Variants in RORA observed in about 807,000 individuals in gnomAD.
RORA encodes RAR related orphan receptor A, also known as nuclear receptor ROR-alpha.
A neutral mutation model predicts 69.5 loss-of-function variants in RORA; 7 were observed. That is an observed-to-expected ratio of 0.10 (90% confidence interval 0.06 to 0.19). The LOEUF (loss-of-function observed/expected upper bound fraction) is 0.19. RORA is among the 10% of genes least tolerant of loss of function. The pLI is 1.00. For synonymous variants in RORA, 261 were observed against 240.8 expected (o/e 1.08, Z -0.78); for missense variants, 457 against 663.0 (o/e 0.69, Z 3.41).
intron 1 of RORA, among the ~76,000 whole-genome samples, chr15:61,134,695 T>C (rs1447040983): frequency 1.3e-5 from 2 of 152,160 alleles, no homozygotes; most frequent in East Asian, 1.9e-4. Context: ...CACACCACAA[T>C]GTTCAAACCT....
chr15:60,511,382 A>G lies in RORA; in HGVS notation c.664T>C (p.Tyr222His), dbSNP rs1181369746. Residue 222 changes from tyrosine (Y) to histidine (H), a missense_variant, in exon 5 of 11, where the codon TAC becomes CAC. Tyr to His is a moderately conservative substitution (Grantham distance 83). Around this residue, in one of 3 missense-constraint regions of RORA, gnomAD observed 304 missense variants for 447.4 expected, o/e 0.68. Transcript: ENST00000335670. This position sits in a 1 kb window ranked among gnomAD's most constrained non-coding sequence, Gnocchi z 6.4. ...SKADSAVSSF[Y>H]LDIQPSPDQS... ...TCTGGGGAAGGCTGTATGTCCAGGT[A>G]GAAGCTGCTGACGGCGGAGTCTGCC... 1 of 1,614,232 alleles carries G rather than the reference A, an allele frequency of 6.2e-7. No homozygotes were observed. The highest frequency in any genetic ancestry group is 8.5e-7 in the Non-Finnish European group (1 of 1,180,040).
At chr15:61,024,270 C>CTTTTTTTTT (rs34008494) in intron 1 of RORA, among the ~76,000 whole-genome samples, 1 of 79,394 alleles carries the variant, frequency 1.3e-5, no homozygotes, top group Admixed American at 1.8e-4. Flanking sequence ...TCTTGGATCT[C>CTTTTTTTTT]TTTTTTTTTT....
At chr15:61,121,291 G>A (rs865887215) in intron 1 of RORA, among the ~76,000 whole-genome samples, 1 of 152,296 alleles carries the variant, frequency 6.6e-6, no homozygotes, top group East Asian at 1.9e-4. Context: ...AAGTGGAACT[G>A]GGTGGCTGTC....
intron 1 of RORA, among the ~76,000 whole-genome samples, chr15:60,797,666 C>A (rs2072517516): frequency 6.6e-6 from 1 of 152,138 alleles, no homozygotes; most frequent in Non-Finnish European, 1.5e-5. Flanking sequence ...CTTACGGGCC[C>A]AGCCAAGGAC....
intron 2 of RORA, among the ~76,000 whole-genome samples, chr15:60,540,291 C>T (rs1286824648): frequency 3.3e-5 from 5 of 152,304 alleles, no homozygotes; most frequent in African/African-American, 1.2e-4. Flanking sequence ...GCTTTCATTG[C>T]TCAAGGTCTG....
chr15:60,550,056 A>C (rs1348475114), intron 2 of RORA, among the ~76,000 whole-genome samples: 2 of 152,194 alleles, frequency 1.3e-5, no homozygotes, highest in Non-Finnish European at 2.9e-5. Context: ...ACTTTGAAAG[A>C]CCGTGGTAGG....
chr15:61,014,278 C>T (rs1895202778), intron 1 of RORA, among the ~76,000 whole-genome samples: 1 of 152,198 alleles, frequency 6.6e-6, no homozygotes, highest in South Asian at 2.1e-4. Context: ...GAGATTATTA[C>T]AGTGTATTTG....
chr15:60,850,126 T>C (rs1348917627), intron 1 of RORA, among the ~76,000 whole-genome samples: 1 of 152,148 alleles, frequency 6.6e-6, no homozygotes, highest in Non-Finnish European at 1.5e-5. Flanking sequence ...CAGTCCGTGT[T>C]CATGGAGCTG....
rs1431584775 is a variant in RORA at position 60,490,568 on chromosome 15, A to G, written c.*6887T>C. ...GAAGAGTAAGAGAGAAAATGTTTACAGGCCGTTACAAGTTCTTAAGTTAAT... is the reference window on the plus strand; with the variant it reads ...GAAGAGTAAGAGAGAAAATGTTTACGGGCCGTTACAAGTTCTTAAGTTAAT... On this transcript the variant is annotated 3_prime_UTR_variant, in exon 11 of 11. Transcript: ENST00000335670. This position sits in a 1 kb window ranked among gnomAD's most constrained non-coding sequence, Gnocchi z 4.1. 1 of 152,170 alleles carries G rather than the reference A, an allele frequency of 6.6e-6. No homozygotes were observed. The highest frequency in any genetic ancestry group is 1.9e-4 in the East Asian group (1 of 5,198). 9.4% of individuals were successfully genotyped at this position (152,170 alleles called of 1,614,324 possible).
rs931352013 is a variant in RORA, at chr15:60,488,539, A to T, written c.*8916T>A. ...TTAAATTCAGGACTCAATAAAATAAACAGCTGGAAATAAGCAGACTAGTGT... is the reference window on the plus strand; with the variant it reads ...TTAAATTCAGGACTCAATAAAATAATCAGCTGGAAATAAGCAGACTAGTGT... On this transcript the variant is annotated 3_prime_UTR_variant, in exon 11 of 11. Transcript: ENST00000335670. The T allele has an allele frequency of 6.6e-6, 1 of 152,350 alleles. No individual in the cohort carries two copies. The highest frequency in any genetic ancestry group is 1.9e-4 in the East Asian group (1 of 5,186). 9.4% of individuals were successfully genotyped at this position (152,350 alleles called of 1,614,324 possible). A position where few individuals can be genotyped will look rare whatever the true frequency, so the allele number is the denominator to read the frequency against.
intron 2 of RORA, among the ~76,000 whole-genome samples, chr15:60,623,011 C>T (rs1044245370): frequency 2.6e-5 from 4 of 152,346 alleles, no homozygotes; most frequent in East Asian, 1.9e-4. Context: ...CCACTATGCC[C>T]GGCCATGTCA....
At chr15:60,666,530 A>C (rs2070384860) in intron 2 of RORA, among the ~76,000 whole-genome samples, 2 of 151,992 alleles carry the variant, frequency 1.3e-5, no homozygotes, top group African/African-American at 4.8e-5. Flanking sequence ...CATAAACAGC[A>C]ACTATTCTGC....
intron 1 of RORA, among the ~76,000 whole-genome samples, chr15:61,150,608 T>C (rs2079389006): frequency 1.3e-5 from 2 of 152,194 alleles, no homozygotes; most frequent in Non-Finnish European, 2.9e-5. Flanking sequence ...TTTTTAAACT[T>C]CATGTGACTT....
intron 2 of RORA, chr15:60,627,245 C>T: frequency 6.2e-7 from 1 of 1,614,176 alleles, no homozygotes; most frequent in Non-Finnish European, 8.5e-7. Flanking sequence ...TACCTTCTGG[C>T]TCCTTCACCT....
Position 60,803,001 on chromosome 15 carries a change from TG to T in RORA, c.167-124316del, listed in dbSNP as rs199930750. On this transcript the variant is annotated intron_variant, in intron 1 of 10. Coordinates refer to ENST00000335670, the MANE Select transcript of RORA (RefSeq NM_134261.3). Reference sequence around the variant, plus strand: ...CCATACCACTTTATTTTGATTAATATGGACAACTCCAACAAAAGAAAGATGC... The same window carrying T: ...CCATACCACTTTATTTTGATTAATATGACAACTCCAACAAAAGAAAGATGC... Among the ~76,000 whole-genome samples the T allele has an allele frequency of 4.3e-3, 650 of 152,332 alleles. 3 individuals are homozygous for T. The highest frequency in any genetic ancestry group is 0.015 in the African/African-American group (636 of 41,564).
chr15:60,674,278 A>T, intron 2 of RORA, among the ~76,000 whole-genome samples: 1 of 152,234 alleles, frequency 6.6e-6, no homozygotes, highest in Middle Eastern at 3.2e-3. Flanking sequence ...ACAATAAAAA[A>T]GTATGGCCTC....
chr15:61,162,241 G>C (rs986332124), intron 1 of RORA, among the ~76,000 whole-genome samples: 2 of 152,212 alleles, frequency 1.3e-5, no homozygotes, highest in African/African-American at 4.8e-5. Flanking sequence ...CCATATAAAA[G>C]TGTCTTGGAT....
Position 60,888,199 on chromosome 15 carries a change from G to A in RORA, c.167-209513C>T, listed in dbSNP as rs572183846. On this transcript the variant is annotated intron_variant, in intron 1 of 10. Coordinates refer to ENST00000335670, the MANE Select transcript of RORA (RefSeq NM_134261.3). ...GGAGCAAGGGCTTTCTGTTGTTGTT[G>A]TACCTGCCCTCTTGCTCCATCAACT... is the stretch of plus-strand genomic sequence containing the variant. Among the ~76,000 whole-genome samples the A allele has an allele frequency of 1.9e-4, 29 of 152,314 alleles. No homozygotes were observed. In the South Asian group the frequency reaches 5.2e-3, roughly 27 times the overall value.
In RORA at chr15:60,511,648, A is replaced by G; in HGVS notation, c.425-27T>C. On this transcript the variant is annotated intron_variant, in intron 4 of 10. Coordinates refer to ENST00000335670, the MANE Select transcript of RORA (RefSeq NM_134261.3). The surrounding 1 kb of genome is among the most constrained non-coding windows in gnomAD (Gnocchi z 6.4). ...TGGAAGAAAAAAGCCAAACCATACT[A>G]CATACAATGCGCTTTTCTTCAATAT... 1 of 1,569,062 alleles carries G rather than the reference A, an allele frequency of 6.4e-7. No individual in the cohort carries two copies. The highest frequency in any genetic ancestry group is 8.6e-7 in the Non-Finnish European group (1 of 1,158,570).
Sources: allele counts gnomAD v4.1 joint callset (sites outside exome capture counted in the v4.1 genomes callset), GRCh38; gene constraint gnomAD v4.1.1; regional missense constraint gnomAD v4.1.1; non-coding constraint Gnocchi (gnomAD v3.1); transcripts MANE v1.5; gene names NCBI Gene and HGNC (gene_info 2026-07-23, HGNC 2026-07-21).